ABLIM2: variants seen among roughly 807,000 people sequenced by gnomAD.
ABLIM2 encodes the protein actin binding LIM protein family member 2, also known as actin-binding LIM protein 2.
Under a neutral mutation model 97.7 loss-of-function variants are expected in ABLIM2, and 53 were observed. The observed-to-expected ratio is 0.54, with a 90% CI of 0.44 to 0.68. ABLIM2 has a LOEUF of 0.68. ABLIM2 is among the 30% of genes least tolerant of loss of function. The probability of loss-of-function intolerance (pLI) is 0.00; values close to 1 mark genes in which losing one functional copy is unlikely to be tolerated. For missense variants in ABLIM2, 835 were observed against 867.2 expected (o/e 0.96, Z 0.47); for synonymous variants, 361 against 345.8 (o/e 1.04, Z -0.49).
rs1482138305 is a variant in ABLIM2, at chr4:8,123,455, A to T, written c.11-16818T>A. On this transcript the variant is annotated intron_variant, in intron 1 of 20. Coordinates refer to ENST00000447017, the MANE Select transcript of ABLIM2 (RefSeq NM_001130083.2). This position sits in a 1 kb window ranked among gnomAD's most constrained non-coding sequence, Gnocchi z 6.2. ...CTGTCTGCCCTCCCGTCTCCCCCTC[A>T]AATTCCTGACCCTTCTCATGTTCTC... is the stretch of plus-strand genomic sequence containing the variant. 1.3e-5 allele frequency among the ~76,000 whole-genome samples: 2 copies of T among 152,120 alleles called. No homozygotes were observed. The highest frequency in any genetic ancestry group is 2.9e-5 in the Non-Finnish European group (2 of 68,014).
chr4:8,042,086 T>C (rs1357742580), intron 9 of ABLIM2, among the ~76,000 whole-genome samples: 1 of 152,022 alleles, frequency 6.6e-6, no homozygotes, highest in Non-Finnish European at 1.5e-5. Context: ...TACCCCAAAG[T>C]ACGGAGCCAC....
chr4:8,063,136 G>T (rs1423493976), intron 6 of ABLIM2, among the ~76,000 whole-genome samples: 1 of 152,206 alleles, frequency 6.6e-6, no homozygotes, highest in Non-Finnish European at 1.5e-5. Flanking sequence ...TGCAATCTCA[G>T]CTCACTGCAA....
chr4:7,987,916 G>C (rs1578015989), intron 17 of ABLIM2, among the ~76,000 whole-genome samples: 1 of 152,196 alleles, frequency 6.6e-6, no homozygotes, highest in African/African-American at 2.4e-5. Context: ...GCACCACAAA[G>C]ACAGCACTGC....
intron 1 of ABLIM2, among the ~76,000 whole-genome samples, chr4:8,119,144 T>A (rs528217874): frequency 6.6e-6 from 1 of 151,910 alleles, no homozygotes; most frequent in Non-Finnish European, 1.5e-5. Context: ...CCAGGACACT[T>A]TTGTCCTGGC....
chr4:8,143,523 G>A (rs1340150007), intron 1 of ABLIM2, among the ~76,000 whole-genome samples: 1 of 152,102 alleles, frequency 6.6e-6, no homozygotes, highest in Non-Finnish European at 1.5e-5. Context: ...AGCTGTCCCT[G>A]CTGTCAGGTG....
rs1371273862 is a variant in ABLIM2, at chr4:8,005,805, G to A, written c.1618+2254C>T. 1.3e-5 allele frequency among the ~76,000 whole-genome samples: 2 copies of A among 152,228 alleles called. No individual in the cohort carries two copies. Among genetic ancestry groups the A allele is most frequent in the Admixed American group, 6.5e-5 (1 of 15,288 alleles). ...GGATGTTAGCACACCAGGAGAAAGCGAAGGAAGGACAGCATCATAGCCACA... is the reference window on the plus strand; with the variant it reads ...GGATGTTAGCACACCAGGAGAAAGCAAAGGAAGGACAGCATCATAGCCACA... On this transcript the variant is annotated intron_variant, in intron 16 of 20. Transcript: ENST00000447017. This position sits in a 1 kb window ranked among gnomAD's most constrained non-coding sequence, Gnocchi z 4.9.
At position 7,965,939 on chromosome 4, in the gene ABLIM2, G is replaced by A. The variant is rs557042410; in HGVS notation, c.*1051C>T. 10 of 152,314 alleles carry A rather than the reference G, an allele frequency of 6.6e-5. No individual in the cohort carries two copies. The East Asian group carries it at 7.7e-4, about 12-fold the overall frequency. 9.4% of individuals were successfully genotyped at this position (152,314 alleles called of 1,614,324 possible). ...AGGACGGTGCATCAAGAGCTACGTC[G>A]GGTATTAGGCAGGGTACGTGGAAAC... On this transcript the variant is annotated 3_prime_UTR_variant, in exon 21 of 21. Transcript: ENST00000447017.
At chr4:8,151,884 T>A (rs1421141350) in intron 1 of ABLIM2, among the ~76,000 whole-genome samples, 1 of 147,298 alleles carries the variant, frequency 6.8e-6, no homozygotes, top group Non-Finnish European at 1.5e-5. Context: ...GAGCAGAGGG[T>A]CAGGGTTCCA....
intron 8 of ABLIM2, among the ~76,000 whole-genome samples, chr4:8,048,463 T>A (rs1421687978): frequency 6.6e-6 from 1 of 152,018 alleles, no homozygotes; most frequent in Non-Finnish European, 1.5e-5. Context: ...GTCTGACCCC[T>A]CTCATCTCCA....
At chr4:7,972,802 T>C (rs900996688) in intron 20 of ABLIM2, among the ~76,000 whole-genome samples, 4 of 152,122 alleles carry the variant, frequency 2.6e-5, no homozygotes, top group Non-Finnish European at 5.9e-5. Flanking sequence ...GAGGCTGGGA[T>C]TCTGGTGCAA....
chr4:8,096,809 C>T (rs1035932942), intron 3 of ABLIM2, among the ~76,000 whole-genome samples: 4 of 152,152 alleles, frequency 2.6e-5, no homozygotes, highest in African/African-American at 7.2e-5. Flanking sequence ...GTCCTGTTGC[C>T]GGGATGAGGA....
At chr4:8,052,520 T>A (rs1796671832) in intron 8 of ABLIM2, among the ~76,000 whole-genome samples, 1 of 152,226 alleles carries the variant, frequency 6.6e-6, no homozygotes, top group East Asian at 1.9e-4. Flanking sequence ...GTGACTCTTC[T>A]GCCACTGTGG....
chr4:7,985,403 C>A (rs1039202657), intron 17 of ABLIM2, among the ~76,000 whole-genome samples: 3 of 152,158 alleles, frequency 2.0e-5, no homozygotes, highest in Non-Finnish European at 4.4e-5. Flanking sequence ...CCTGGGCCCT[C>A]TGTTCCCTGC....
At chr4:8,028,721 A>G (rs1779023499) in intron 11 of ABLIM2, among the ~76,000 whole-genome samples, 1 of 149,710 alleles carries the variant, frequency 6.7e-6, no homozygotes, top group East Asian at 1.9e-4. Context: ...TAATTCAGTC[A>G]TTCATGCACT....
At chr4:8,134,094 C>A (rs1426617275) in intron 1 of ABLIM2, among the ~76,000 whole-genome samples, 1 of 152,162 alleles carries the variant, frequency 6.6e-6, no homozygotes, top group Non-Finnish European at 1.5e-5. Flanking sequence ...GACATCTGCA[C>A]CAAGCACTGA....
chr4:8,050,455 G>A lies in ABLIM2; in HGVS notation c.822+3733C>T, dbSNP rs183963837. Reference sequence around the variant, plus strand: ...GCCTCTTGCTGAAGAGCAACCCTGAGGCAGGGATGGACTGGCTCCTGTGAG... The same window carrying A: ...GCCTCTTGCTGAAGAGCAACCCTGAAGCAGGGATGGACTGGCTCCTGTGAG... On this transcript the variant is annotated intron_variant, in intron 8 of 20. Transcript: ENST00000447017. 2.5e-4 allele frequency among the ~76,000 whole-genome samples: 38 copies of A among 152,278 alleles called. No homozygotes were observed. The East Asian group carries it at 4.3e-3, about 17-fold the overall frequency.
chr4:8,080,559 G>A (rs56261218), intron 5 of ABLIM2, 117 bp downstream of exon 5: 63,091 of 1,192,970 alleles, frequency 0.053, 1,968 homozygotes, highest in Admixed American at 0.083. Flanking sequence ...TAGTAGCTGT[G>A]TGAGGAATAG....
rs996674398 is a variant in ABLIM2, at chr4:8,059,747, CA to C, written c.763+1219del. Among the ~76,000 whole-genome samples the C allele has an allele frequency of 7.3e-3, 1,096 of 150,520 alleles. 14 individuals carry two copies. Among genetic ancestry groups the C allele is most frequent in the African/African-American group, 0.025 (1,034 of 41,048 alleles). On this transcript the variant is annotated intron_variant, in intron 7 of 20. Coordinates refer to ENST00000447017, the MANE Select transcript of ABLIM2 (RefSeq NM_001130083.2). ...TGAAACCCCATCTGTACTAAAAATA[CA>C]AAAAAAAATTAGCCGGGTATGGTGG...
chr4:8,045,913 C>T (rs1320729571), intron 8 of ABLIM2, among the ~76,000 whole-genome samples: 2 of 152,142 alleles, frequency 1.3e-5, no homozygotes, highest in Non-Finnish European at 2.9e-5. Flanking sequence ...CCATCTTGGT[C>T]ACCCTGAAGA....
Sources: allele counts gnomAD v4.1 joint callset (sites outside exome capture counted in the v4.1 genomes callset), GRCh38; gene constraint gnomAD v4.1.1; non-coding constraint Gnocchi (gnomAD v3.1); transcripts MANE v1.5; gene names NCBI Gene and HGNC (gene_info 2026-07-23, HGNC 2026-07-21).